DCC: variants seen among roughly 807,000 people sequenced by gnomAD.
DCC encodes DCC netrin 1 receptor.
In DCC, 58 loss-of-function variants were observed where a neutral mutation model predicts 172.5. The ratio of observed to expected loss-of-function variants is 0.34; its 90% CI spans 0.27 to 0.42. DCC has a LOEUF of 0.42. Ranked by LOEUF, DCC falls within the 10% of genes least tolerant of loss-of-function variation. The pLI, the probability that DCC is intolerant of heterozygous loss-of-function variation, is 1.00. For synonymous variants in DCC, 709 were observed against 644.5 expected (o/e 1.10, Z -1.52); for missense variants, 1,740 against 1,791.0 (o/e 0.97, Z 0.51).
intron 5 of DCC, among the ~76,000 whole-genome samples, chr18:53,024,373 T>G (rs1288378149): frequency 2.6e-5 from 4 of 152,152 alleles, no homozygotes; most frequent in African/African-American, 9.7e-5. Flanking sequence ...TTTGCCTCCC[T>G]TGCAATCTCT....
At chr18:53,287,970 T>C (rs1310057475) in intron 12 of DCC, among the ~76,000 whole-genome samples, 1 of 152,106 alleles carries the variant, frequency 6.6e-6, no homozygotes, top group African/African-American at 2.4e-5. Context: ...GATTTATTGG[T>C]TCTTTGAGCA....
chr18:52,679,011 A>C (rs1393186235), intron 1 of DCC, among the ~76,000 whole-genome samples: 1 of 152,044 alleles, frequency 6.6e-6, no homozygotes, highest in African/African-American at 2.4e-5. Context: ...ACCTTCAAAA[A>C]TTTTAATTGA....
chr18:52,449,075 G>A (rs1221162823), intron 1 of DCC, among the ~76,000 whole-genome samples: 1 of 152,216 alleles, frequency 6.6e-6, no homozygotes, highest in Non-Finnish European at 1.5e-5. Context: ...AGGCAAGAAG[G>A]AGCAAGTTAT....
chr18:52,711,259 C>A (rs997061064), intron 1 of DCC, among the ~76,000 whole-genome samples: 1 of 151,994 alleles, frequency 6.6e-6, no homozygotes, highest in South Asian at 2.1e-4. Context: ...TGGAATTTCA[C>A]TCTTGTTGCC....
At chr18:53,201,436 A>G (rs1223009225) in intron 9 of DCC, among the ~76,000 whole-genome samples, 1 of 152,184 alleles carries the variant, frequency 6.6e-6, no homozygotes, top group Admixed American at 6.5e-5. Flanking sequence ...TACGGCATAT[A>G]TCTTAACAGG....
Position 52,418,929 on chromosome 18 carries a change from C to T in DCC, c.91+78051C>T, listed in dbSNP as rs532967621. Among the ~76,000 whole-genome samples, 4 of 141,156 alleles carry T rather than the reference C, an allele frequency of 2.8e-5. No homozygotes were observed. The East Asian group carries it at 6.5e-4, about 23-fold the overall frequency. The allele number at this position is 141,156 out of a possible 152,430, so 92.6% of individuals were successfully genotyped here. The stretch of plus-strand genomic sequence containing the variant: ...AGGCTGGAGTATAGTGACGCGATCT[C>T]GGATCACTGCAACCTCTGCCTCCTA... On this transcript the variant is annotated intron_variant, in intron 1 of 28. Transcript: ENST00000442544.
chr18:52,482,179 CT>C (rs757506582), intron 1 of DCC, among the ~76,000 whole-genome samples: 175 of 152,260 alleles, frequency 1.1e-3, no homozygotes, highest in Non-Finnish European at 1.7e-3. Flanking sequence ...ACTTCCACCC[CT>C]AATCCTCCTA....
intron 1 of DCC, among the ~76,000 whole-genome samples, chr18:52,571,165 C>T (rs1404655760): frequency 2.0e-5 from 3 of 152,076 alleles, no homozygotes; most frequent in Admixed American, 2.0e-4. Flanking sequence ...TAAACCAGAG[C>T]TCTGCCAGGA....
intron 5 of DCC, among the ~76,000 whole-genome samples, chr18:52,938,091 G>A (rs556468811): frequency 9.2e-5 from 14 of 152,148 alleles, no homozygotes; most frequent in African/African-American, 2.9e-4. Context: ...CGCATTCTCC[G>A]TGATTACTCA....
chr18:52,962,960 TG>T (rs2040867171), intron 5 of DCC, among the ~76,000 whole-genome samples: 1 of 67,534 alleles, frequency 1.5e-5, no homozygotes, highest in Non-Finnish European at 2.7e-5. Context: ...TGTTGTGGGG[TG>T]GGGGGAGGGG....
intron 22 of DCC, among the ~76,000 whole-genome samples, chr18:53,444,641 G>C (rs1912485289): frequency 6.6e-6 from 1 of 152,192 alleles, no homozygotes; most frequent in African/African-American, 2.4e-5. Flanking sequence ...TTCAGATGAT[G>C]CTTAGCATTT....
In DCC at chr18:52,348,654, A is replaced by G. The variant is rs183818215; in HGVS notation, c.91+7776A>G. ...ACATTTGCTTTTAGACCTTAATATT[A>G]TTGGTAGTTATTCTGTTTCTTCTAC... On this transcript the variant is annotated intron_variant, in intron 1 of 28. Coordinates refer to ENST00000442544, the MANE Select transcript of DCC (RefSeq NM_005215.4). Among the ~76,000 whole-genome samples the G allele has an allele frequency of 7.3e-4, 111 of 152,242 alleles. 1 individual carries two copies. In the East Asian group the frequency reaches 0.02, roughly 28 times the overall value.
chr18:53,231,657 T>C (rs1332343770), intron 12 of DCC, among the ~76,000 whole-genome samples: 1 of 152,046 alleles, frequency 6.6e-6, no homozygotes, highest in East Asian at 1.9e-4. Flanking sequence ...GCCCAGAAAA[T>C]AATATTTAAG....
chr18:53,009,631 G>A (rs1224090347), intron 5 of DCC, among the ~76,000 whole-genome samples: 1 of 151,914 alleles, frequency 6.6e-6, no homozygotes, highest in Non-Finnish European at 1.5e-5. Context: ...ATAGGTCATG[G>A]ATGGCGGCAT....
At chr18:53,228,524 G>A (rs1054399945) in intron 12 of DCC, among the ~76,000 whole-genome samples, 1 of 152,120 alleles carries the variant, frequency 6.6e-6, no homozygotes, top group Non-Finnish European at 1.5e-5. Flanking sequence ...CAATCAGTGA[G>A]CAACTGGCAT....
chr18:52,679,038 C>T (rs10460089), intron 1 of DCC, among the ~76,000 whole-genome samples: 1 of 151,922 alleles, frequency 6.6e-6, no homozygotes, highest in African/African-American at 2.4e-5. Context: ...CTATATTGAC[C>T]TAGGAGTGTA....
rs777839649 is a variant in DCC at position 52,645,064 on chromosome 18, C to T, written c.92-106990C>T. 9.2e-5 allele frequency among the ~76,000 whole-genome samples: 14 copies of T among 152,034 alleles called. No individual in the cohort carries two copies. The South Asian group carries it at 2.3e-3, about 25-fold the overall frequency. ...TTTGTTCATTTGTTTTTGTAAGAAG[C>T]GGATTTCCCCATTGATTTTGCATTT... On this transcript the variant is annotated intron_variant, in intron 1 of 28. Transcript: ENST00000442544.
chr18:52,978,264 C>A (rs2041155164), intron 5 of DCC, among the ~76,000 whole-genome samples: 2 of 151,728 alleles, frequency 1.3e-5, no homozygotes, highest in Non-Finnish European at 2.9e-5. Context: ...AAACCAAAGA[C>A]AAATAGAGTT....
In DCC at chr18:52,405,380, T is replaced by C. The variant is rs1376624595; in HGVS notation, c.91+64502T>C. The stretch of plus-strand genomic sequence containing the variant: ...CTAACTGGTGTGAGATGGTATCTCA[T>C]TGTGGTTTTGATTTGCATTTCTCTG... On this transcript the variant is annotated intron_variant, in intron 1 of 28. Transcript: ENST00000442544. 3.8e-5 allele frequency among the ~76,000 whole-genome samples: 5 copies of C among 132,430 alleles called. 1 individual carries two copies. The highest frequency in any genetic ancestry group is 8.8e-5 in the Non-Finnish European group (5 of 56,700). 86.9% of individuals were successfully genotyped at this position (132,430 alleles called of 152,430 possible). A position where few individuals can be genotyped will look rare whatever the true frequency, so the allele number is the denominator to read the frequency against.
Sources: gnomAD v4.1 joint callset for allele counts (sites outside exome capture counted in the v4.1 genomes callset) on GRCh38, gnomAD v4.1.1 for gene constraint, MANE v1.5 for transcripts, NCBI Gene and HGNC (gene_info 2026-07-23, HGNC 2026-07-21) for gene names.